The following CRB1 variants were observed in gnomAD, a reference collection of about 807,000 sequenced individuals.
CRB1 encodes the protein crumbs cell polarity complex component 1.
CRB1 carries 83 observed loss-of-function variants against 120.0 expected under a neutral mutation model. That is an observed-to-expected ratio of 0.69 (90% CI 0.58 to 0.83). The LOEUF (loss-of-function observed/expected upper bound fraction) is 0.83, where lower values mean the gene tolerates loss of function less well. Ranked by LOEUF, CRB1 falls within the 40% of genes least tolerant of loss-of-function variation. The pLI is 0.00. For missense variants in CRB1, 1,699 were observed against 1,687.6 expected (o/e 1.01, Z -0.12); for synonymous variants, 625 against 612.5 (o/e 1.02, Z -0.30).
In CRB1 at chr1:197,477,987, C is replaced by G; in HGVS notation, c.*108C>G. The G allele has an allele frequency of 1.8e-6, 2 of 1,104,644 alleles. No individual in the cohort carries two copies. The highest frequency in any genetic ancestry group is 1.3e-5 in the South Asian group (1 of 78,024). 68.4% of individuals were successfully genotyped at this position (1,104,644 alleles called of 1,614,324 possible). ...ATGTTAATCTGCAACTGGGATTACA[C>G]TGGAACTACAGGAATGATTCCTTTG... On this transcript the variant is annotated 3_prime_UTR_variant, in exon 12 of 12. Transcript: ENST00000367400.
intron 1 of CRB1, among the ~76,000 whole-genome samples, chr1:197,290,026 G>A (rs879377699): frequency 1.3e-5 from 2 of 151,442 alleles, no homozygotes; most frequent in Non-Finnish European, 3.0e-5. Context: ...CTTAAGGGTT[G>A]GGGATCTAAT....
In CRB1 at chr1:197,442,292, C is replaced by T. The variant is rs563910772; in HGVS notation, c.4005C>T (p.Asp1335=). The change falls in exon 11 of 12, where the codon GAC becomes GAT. Residue 1335 remains aspartate (D), a splice_region_variant and synonymous_variant. Coordinates refer to ENST00000367400, the MANE Select transcript of CRB1 (RefSeq NM_201253.3). ...VAFAGERCEV[D]LADDLISDIF... is the part of the protein sequence containing the mutation. ...TTGCTGGCGAGCGCTGCGAGGTGGA[C>T]GTAAGCAGCCTCTCCTTTTATGTCT... 11 of 1,614,174 alleles carry T rather than the reference C, an allele frequency of 6.8e-6. No homozygotes were observed. Among genetic ancestry groups the T allele is most frequent in the South Asian group, 3.3e-5 (3 of 91,082 alleles).
the CRB1 span, among the ~76,000 whole-genome samples, chr1:197,224,849 A>G: frequency 6.6e-6 from 1 of 152,064 alleles, no homozygotes; most frequent in African/African-American, 2.4e-5. Flanking sequence ...GAGTAGTCTA[A>G]GATGAAATGT....
chr1:197,393,325 T>C (rs1203894127), intron 5 of CRB1, among the ~76,000 whole-genome samples: 1 of 152,108 alleles, frequency 6.6e-6, no homozygotes, highest in Non-Finnish European at 1.5e-5. Context: ...CTTAATGGCT[T>C]CAGAATCTCA....
intron 1 of CRB1, among the ~76,000 whole-genome samples, chr1:197,297,157 T>A (rs1656574607): frequency 1.3e-5 from 2 of 151,946 alleles, no homozygotes; most frequent in African/African-American, 2.4e-5. Flanking sequence ...ATGGGTCATC[T>A]GAAACGCCAT....
intron 1 of CRB1, 47 bp from the exon 2 acceptor site, chr1:197,328,375 T>C (rs1658640911): frequency 6.8e-7 from 1 of 1,464,376 alleles, no homozygotes; most frequent in East Asian, 2.3e-5. Context: ...TTTTTAACTT[T>C]GTCCTCATTT....
chr1:197,351,364 C>CAAAAAAAAAAAAAAAA (rs35672792), intron 4 of CRB1, among the ~76,000 whole-genome samples: 1 of 86,052 alleles, frequency 1.2e-5, no homozygotes, highest in African/African-American at 5.1e-5. Context: ...TGAGACTTGG[C>CAAAAAAAAAAAAAAAA]AAAAAAAAAA....
the CRB1 span, among the ~76,000 whole-genome samples, chr1:197,225,908 T>C: frequency 1.3e-5 from 2 of 152,188 alleles, no homozygotes; most frequent in African/African-American, 2.4e-5. Context: ...TTTCTTTTTT[T>C]TTCTTTTTTT....
chr1:197,222,200 A>C, the CRB1 span: 5,464 of 459,946 alleles, frequency 0.012, 65 homozygotes, highest in Non-Finnish European at 0.016. Context: ...GTTGCCCTGC[A>C]CTGCGCGGCC....
the CRB1 span, among the ~76,000 whole-genome samples, chr1:197,252,000 A>G: frequency 1.3e-5 from 2 of 152,008 alleles, no homozygotes; most frequent in Non-Finnish European, 2.9e-5. Flanking sequence ...TACTTATGGC[A>G]GTAGGACCTT....
chr1:197,421,221 C>T lies in CRB1; in HGVS notation c.1393C>T (p.His465Tyr). ...CATCCCTCACTTCCAAGATGGCCAG[C>T]ATGGATTCAGCTGCCTATGTCCATC... ...TCIPHFQDGQ[H>Y]GFSCLCPSGY... The change falls in exon 6 of 12, where the codon CAT (histidine) becomes TAT (tyrosine). Residue 465 changes from histidine to tyrosine, a missense_variant. Physicochemically the swap from His to Tyr is moderately conservative, Grantham distance 83. Coordinates refer to ENST00000367400, the MANE Select transcript of CRB1 (RefSeq NM_201253.3). 6.2e-7 allele frequency: 1 copy of T among 1,614,202 alleles called. No individual in the cohort carries two copies. The highest frequency in any genetic ancestry group is 8.5e-7 in the Non-Finnish European group (1 of 1,180,026).
intron 1 of CRB1, among the ~76,000 whole-genome samples, chr1:197,288,449 A>G (rs1284265420): frequency 6.6e-6 from 1 of 151,910 alleles, no homozygotes; most frequent in Non-Finnish European, 1.5e-5. Flanking sequence ...AAAAAACTGC[A>G]TTGCAGAACA....
At chr1:197,207,931 T>C in the CRB1 span, among the ~76,000 whole-genome samples, 2 of 152,056 alleles carry the variant, frequency 1.3e-5, no homozygotes, top group Non-Finnish European at 2.9e-5. Context: ...ATTTTTTCTT[T>C]GTTTTGGTTG....
the CRB1 span, among the ~76,000 whole-genome samples, chr1:197,211,983 T>C: frequency 6.3e-3 from 955 of 152,226 alleles, 13 homozygotes; most frequent in African/African-American, 0.022. Context: ...AATATTTAAG[T>C]AGATACTTCA....
intron 5 of CRB1, among the ~76,000 whole-genome samples, chr1:197,380,883 C>T (rs573209491): frequency 6.6e-6 from 1 of 152,118 alleles, no homozygotes; most frequent in African/African-American, 2.4e-5. Context: ...CAGGAGCCAG[C>T]GCAAGTGTGT....
the CRB1 span, among the ~76,000 whole-genome samples, chr1:197,228,432 G>A: frequency 2.6e-5 from 4 of 152,198 alleles, no homozygotes; most frequent in African/African-American, 4.8e-5. Context: ...TCTCTAGGGC[G>A]GGGCAATATG....
chr1:197,227,658 T>C, the CRB1 span, among the ~76,000 whole-genome samples: 1 of 152,046 alleles, frequency 6.6e-6, no homozygotes, highest in African/African-American at 2.4e-5. Flanking sequence ...GTACAAGCTG[T>C]CAGTGGATCT....
chr1:197,218,095 A>T, the CRB1 span, among the ~76,000 whole-genome samples: 7 of 152,246 alleles, frequency 4.6e-5, no homozygotes, highest in African/African-American at 1.7e-4. Flanking sequence ...AAAATTAAAA[A>T]TTGTTAAAAG....
intron 5 of CRB1, among the ~76,000 whole-genome samples, chr1:197,400,326 A>T (rs71631896): frequency 5.3e-4 from 68 of 127,778 alleles, no homozygotes; most frequent in East Asian, 1.9e-3. Context: ...TTTTTTTTTT[A>T]AAACAGATAA....
Sources: allele counts gnomAD v4.1 joint callset (sites outside exome capture counted in the v4.1 genomes callset), GRCh38; gene constraint gnomAD v4.1.1; transcripts MANE v1.5; gene names NCBI Gene and HGNC (gene_info 2026-07-23, HGNC 2026-07-21).